Variants in FOXP1 observed in about 807,000 individuals in gnomAD.
FOXP1 encodes forkhead box P1, also known as forkhead box protein P1.
A neutral mutation model predicts 98.2 loss-of-function variants in FOXP1; 15 were observed. The ratio of observed to expected loss-of-function variants is 0.15; its 90% CI spans 0.10 to 0.24. The LOEUF is 0.24. Among genes scored for constraint, FOXP1 ranks in the 10% least tolerant of loss-of-function variants. FOXP1 has a pLI of 1.00. For missense variants in FOXP1, 633 were observed against 848.5 expected (o/e 0.75, Z 3.15); for synonymous variants, 371 against 314.5 (o/e 1.18, Z -1.90).
intron 4 of FOXP1, among the ~76,000 whole-genome samples, chr3:71,301,424 T>C (rs1166769659): frequency 2.0e-5 from 3 of 152,184 alleles, no homozygotes. Context: ...GCTCAGTAGA[T>C]ACAAAGCGCA....
intron 6 of FOXP1, among the ~76,000 whole-genome samples, chr3:71,188,533 G>A: frequency 6.6e-6 from 1 of 151,708 alleles, no homozygotes. Flanking sequence ...TCCTGCCTCA[G>A]CCTCCTGAGT....
chr3:70,993,583 T>C (rs1374058709), intron 13 of FOXP1, among the ~76,000 whole-genome samples: 4 of 152,208 alleles, frequency 2.6e-5, no homozygotes, highest in Non-Finnish European at 1.5e-5. Context: ...AAGAGGCCAG[T>C]GATAGTTAAA....
chr3:71,345,835 C>T (rs60380279), intron 4 of FOXP1, among the ~76,000 whole-genome samples: 55,231 of 133,398 alleles, frequency 0.41, 12,597 homozygotes, highest in East Asian at 0.72. Flanking sequence ...CAGGGACTAC[C>T]GATAGGCTAT....
intron 5 of FOXP1, among the ~76,000 whole-genome samples, chr3:71,233,509 C>T (rs1228095439): frequency 2.0e-5 from 3 of 151,878 alleles, no homozygotes; most frequent in Non-Finnish European, 2.9e-5. Context: ...TCACTGCAAC[C>T]GCTGCCTCCG....
chr3:71,137,273 G>A (rs2059863782), intron 6 of FOXP1, among the ~76,000 whole-genome samples: 1 of 152,074 alleles, frequency 6.6e-6, no homozygotes, highest in Non-Finnish European at 1.5e-5. Context: ...CTGACACTTT[G>A]CTCTCTTCTC....
chr3:71,024,226 G>A (rs1003147344), intron 11 of FOXP1, among the ~76,000 whole-genome samples: 57 of 152,262 alleles, frequency 3.7e-4, no homozygotes, highest in Middle Eastern at 3.4e-3. Context: ...CGTTTCCCTG[G>A]CAGCTTTGTA....
intron 5 of FOXP1, among the ~76,000 whole-genome samples, chr3:71,286,244 T>C (rs1234055813): frequency 2.0e-5 from 3 of 152,266 alleles, no homozygotes; most frequent in Non-Finnish European, 4.4e-5. Context: ...CTGTACTTCA[T>C]TGATTGGCCA....
chr3:70,969,623 T>G (rs2035756877), intron 19 of FOXP1: 1 of 152,256 alleles, frequency 6.6e-6, no homozygotes, highest in African/African-American at 2.4e-5. Context: ...ACTAAAGGTC[T>G]CAACTGTTTT....
chr3:71,054,399 C>A (rs1052480660), intron 7 of FOXP1, among the ~76,000 whole-genome samples: 1 of 152,210 alleles, frequency 6.6e-6, no homozygotes, highest in African/African-American at 2.4e-5. Flanking sequence ...ATTTCAGTGA[C>A]AAACAGCTAC....
chr3:71,028,278 C>T (rs1296251605), intron 11 of FOXP1, among the ~76,000 whole-genome samples: 5 of 152,084 alleles, frequency 3.3e-5, no homozygotes, highest in Non-Finnish European at 5.9e-5. Flanking sequence ...ATCACTTATC[C>T]GTCACTTTGA....
chr3:70,973,047 A>G (rs527777811), intron 17 of FOXP1, among the ~76,000 whole-genome samples: 2 of 152,302 alleles, frequency 1.3e-5, no homozygotes, highest in East Asian at 3.9e-4. Context: ...TACCTCCCAT[A>G]AAAAGGGGGT....
chr3:71,281,729 C>T (rs1228319471), intron 5 of FOXP1, among the ~76,000 whole-genome samples: 4 of 152,138 alleles, frequency 2.6e-5, no homozygotes, highest in Admixed American at 6.6e-5. Context: ...CTGAAAAGCT[C>T]GTGAGCCCAG....
chr3:71,296,861 CT>C (rs1265297812), intron 5 of FOXP1, among the ~76,000 whole-genome samples: 1 of 152,184 alleles, frequency 6.6e-6, no homozygotes, highest in Non-Finnish European at 1.5e-5. Flanking sequence ...TAAAAAGAGC[CT>C]GGCTCCCCTT....
chr3:71,557,016 A>C (rs955372059), intron 2 of FOXP1, among the ~76,000 whole-genome samples: 1 of 152,230 alleles, frequency 6.6e-6, no homozygotes, highest in African/African-American at 2.4e-5. Context: ...TCATGATATA[A>C]TGTTAAGTGA....
At chr3:71,129,290 T>C (rs1225780829) in intron 6 of FOXP1, among the ~76,000 whole-genome samples, 1 of 152,178 alleles carries the variant, frequency 6.6e-6, no homozygotes. Flanking sequence ...TATTTTTTCT[T>C]GCAAAAGAGA....
chr3:71,298,558 G>T (rs908398825), intron 5 of FOXP1, among the ~76,000 whole-genome samples: 3 of 152,168 alleles, frequency 2.0e-5, no homozygotes, highest in Admixed American at 6.5e-5. Flanking sequence ...CCCAATTACT[G>T]GTTGGGAATC....
At chr3:70,972,347 G>C (rs2036447048) in intron 18 of FOXP1, 8 of 869,256 alleles carry the variant, frequency 9.2e-6, no homozygotes, top group African/African-American at 1.7e-5. Flanking sequence ...AAAGCTACTA[G>C]CATGTGATGC....
At chr3:70,993,251 G>C (rs1201511025) in intron 13 of FOXP1, among the ~76,000 whole-genome samples, 1 of 151,144 alleles carries the variant, frequency 6.6e-6, no homozygotes, top group Non-Finnish European at 1.5e-5. Flanking sequence ...AGATGTTGGA[G>C]TGATCCCAGT....
intron 11 of FOXP1, among the ~76,000 whole-genome samples, chr3:71,019,848 A>G: frequency 7.9e-6 from 1 of 126,408 alleles, no homozygotes; most frequent in South Asian, 2.7e-4. Context: ...CCCCCAAAAA[A>G]AACAAAACAA....
Sources: gnomAD v4.1 joint callset for allele counts (sites outside exome capture counted in the v4.1 genomes callset) on GRCh38, gnomAD v4.1.1 for gene constraint, MANE v1.5 for transcripts, NCBI Gene and HGNC (gene_info 2026-07-23, HGNC 2026-07-21) for gene names.